RANBP17: variants seen among roughly 807,000 people sequenced by gnomAD.
RANBP17 encodes the protein RAN binding protein 17.
Under a neutral mutation model 141.2 loss-of-function variants are expected in RANBP17, and 158 were observed. The ratio of observed to expected loss-of-function variants is 1.12; its 90% CI spans 0.98 to 1.28. The LOEUF (loss-of-function observed/expected upper bound fraction) is 1.28, where lower values mean the gene tolerates loss of function less well. RANBP17 is among the 50% of genes most tolerant of loss of function. The pLI is 0.00. For synonymous variants in RANBP17, 430 were observed against 450.0 expected (o/e 0.96, Z 0.56); for missense variants, 1,438 against 1,290.7 (o/e 1.11, Z -1.75).
chr5:171,000,776 A>G (rs182534115), intron 14 of RANBP17, among the ~76,000 whole-genome samples: 1 of 152,278 alleles, frequency 6.6e-6, no homozygotes, highest in Non-Finnish European at 1.5e-5. Context: ...GGATCTCACA[A>G]AGTACATTCT....
At chr5:171,103,564 C>T (rs909017810) in intron 14 of RANBP17, among the ~76,000 whole-genome samples, 1 of 152,130 alleles carries the variant, frequency 6.6e-6, no homozygotes, top group Non-Finnish European at 1.5e-5. Context: ...TGCTAAGCTA[C>T]ACTACTTGGC....
chr5:171,050,297 A>G (rs1365768620), intron 14 of RANBP17, among the ~76,000 whole-genome samples: 8 of 152,214 alleles, frequency 5.3e-5, no homozygotes. Flanking sequence ...TACATATTCA[A>G]CTTTTCACAA....
intron 14 of RANBP17, among the ~76,000 whole-genome samples, chr5:171,152,281 A>T (rs1233023812): frequency 1.3e-5 from 2 of 151,598 alleles, no homozygotes; most frequent in African/African-American, 2.4e-5. Flanking sequence ...TTAGCCAGGC[A>T]TGGTGGCACA....
intron 14 of RANBP17, among the ~76,000 whole-genome samples, chr5:171,088,864 C>G (rs1434630208): frequency 6.6e-6 from 1 of 152,092 alleles, no homozygotes; most frequent in East Asian, 1.9e-4. Flanking sequence ...ATACATTCAT[C>G]TAAATTTTTT....
intron 14 of RANBP17, among the ~76,000 whole-genome samples, chr5:171,090,101 G>T (rs1217122366): frequency 6.6e-6 from 1 of 152,248 alleles, no homozygotes; most frequent in Non-Finnish European, 1.5e-5. Context: ...AACAGGCAGA[G>T]ACTGAAACAG....
intron 14 of RANBP17, among the ~76,000 whole-genome samples, chr5:170,981,648 T>A (rs567247126): frequency 7.9e-5 from 12 of 151,992 alleles, no homozygotes; most frequent in Non-Finnish European, 1.6e-4. Flanking sequence ...TCCCCAGACA[T>A]GTGAAACTGT....
chr5:171,232,450 A>G (rs1202572878), intron 22 of RANBP17, among the ~76,000 whole-genome samples: 4 of 152,082 alleles, frequency 2.6e-5, no homozygotes, highest in African/African-American at 4.8e-5. Flanking sequence ...TTCTGTACCT[A>G]TCACTTTCTT....
chr5:171,006,744 A>T (rs1383979923), intron 14 of RANBP17, among the ~76,000 whole-genome samples: 2 of 22,444 alleles, frequency 8.9e-5, no homozygotes, highest in African/African-American at 1.6e-4. Context: ...TTAAAGTATT[A>T]AAAAAAAAAA....
chr5:171,186,027 T>G (rs979841868), intron 18 of RANBP17, among the ~76,000 whole-genome samples: 1 of 152,174 alleles, frequency 6.6e-6, no homozygotes. Flanking sequence ...GTTGCTCTAT[T>G]TCTAGAGCAC....
At chr5:170,867,907 T>C (rs1175637925) in intron 1 of RANBP17, among the ~76,000 whole-genome samples, 10 of 152,104 alleles carry the variant, frequency 6.6e-5, no homozygotes, top group Non-Finnish European at 2.9e-5. Context: ...GTAATCTCTG[T>C]TTTTCCCCCA....
At chr5:170,882,761 T>C (rs943378933) in intron 3 of RANBP17, among the ~76,000 whole-genome samples, 1 of 152,220 alleles carries the variant, frequency 6.6e-6, no homozygotes, top group African/African-American at 2.4e-5. Flanking sequence ...ATAAACAGTC[T>C]TGGAACTTTA....
chr5:171,166,785 C>G (rs979619245), intron 14 of RANBP17, among the ~76,000 whole-genome samples: 9 of 152,188 alleles, frequency 5.9e-5, no homozygotes, highest in Non-Finnish European at 1.0e-4. Context: ...GAGAAACAGT[C>G]TTTTAAAAGA....
chr5:170,995,086 TAAATC>T (rs1009660138), intron 14 of RANBP17, among the ~76,000 whole-genome samples: 4 of 152,138 alleles, frequency 2.6e-5, no homozygotes, highest in African/African-American at 7.2e-5. Flanking sequence ...TATTCCTAGT[TAAATC>T]AGCCAGTTGA....
At chr5:171,206,182 T>C (rs1490043512) in intron 20 of RANBP17, 5 of 173,748 alleles carry the variant, frequency 2.9e-5, no homozygotes, top group Non-Finnish European at 4.9e-5. Context: ...CCTTATCATG[T>C]AAGAGTTAAA....
At chr5:170,955,679 T>TAC (rs1225445594) in intron 13 of RANBP17, among the ~76,000 whole-genome samples, 372 of 28,414 alleles carry the variant, frequency 0.013, 58 homozygotes, top group African/African-American at 0.032. Context: ...TATATATATA[T>TAC]ATACACTGAA....
intron 14 of RANBP17, among the ~76,000 whole-genome samples, chr5:171,122,969 A>G (rs1756151123): frequency 6.6e-6 from 1 of 151,550 alleles, no homozygotes; most frequent in Admixed American, 6.6e-5. Context: ...GGTTCCCAAA[A>G]CTCTAGCTAA....
chr5:170,945,931 T>C (rs923723382), intron 12 of RANBP17, among the ~76,000 whole-genome samples: 4 of 152,196 alleles, frequency 2.6e-5, no homozygotes, highest in Admixed American at 2.6e-4. Flanking sequence ...GGACTCATAA[T>C]GTGTTAAACG....
chr5:171,019,413 T>A (rs1042677921), intron 14 of RANBP17, among the ~76,000 whole-genome samples: 1 of 152,206 alleles, frequency 6.6e-6, no homozygotes, highest in African/African-American at 2.4e-5. Context: ...TGGTAGGCTA[T>A]GAATTACTGC....
chr5:171,205,538 G>C lies in RANBP17; in HGVS notation c.2157G>C (p.Gly719=). 1.9e-6 allele frequency: 3 copies of C among 1,613,828 alleles called. No individual in the cohort carries two copies. Among genetic ancestry groups the C allele is most frequent in the Non-Finnish European group, 2.5e-6 (3 of 1,179,808 alleles). The change falls in exon 20 of 28, where the codon GGG becomes GGC. Residue 719 remains glycine, a synonymous_variant. Coordinates refer to ENST00000523189, the MANE Select transcript of RANBP17 (RefSeq NM_022897.5). Reference sequence around the variant, plus strand: ...CCCACTGACAGCGTATGTTGATCGGGCTGGCAAGAGATCTTCGAGGGATTG... The same window carrying C: ...CCCACTGACAGCGTATGTTGATCGGCCTGGCAAGAGATCTTCGAGGGATTG... ...KQEDVKRMLI[G]LARDLRGIAF...
Sources: allele counts gnomAD v4.1 joint callset (sites outside exome capture counted in the v4.1 genomes callset), GRCh38; gene constraint gnomAD v4.1.1; transcripts MANE v1.5; gene names NCBI Gene and HGNC (gene_info 2026-07-23, HGNC 2026-07-21).